The following HFM1 variants were observed in gnomAD, a reference collection of about 807,000 sequenced individuals.
HFM1 encodes the protein helicase for meiosis 1, also known as probable ATP-dependent DNA helicase HFM1.
In HFM1, 169 loss-of-function variants were observed where a neutral mutation model predicts 192.1. The ratio of observed to expected loss-of-function variants is 0.88; its 90% CI spans 0.78 to 1.00. The LOEUF (loss-of-function observed/expected upper bound fraction) is 1.00, where lower values mean the gene tolerates loss of function less well. HFM1 is among the 50% of genes least tolerant of loss of function. The pLI, the probability that HFM1 is intolerant of heterozygous loss-of-function variation, is 0.00. For missense variants in HFM1, 1,661 were observed against 1,668.0 expected (o/e 1.00, Z 0.07); for synonymous variants, 525 against 537.8 (o/e 0.98, Z 0.33).
intron 30 of HFM1, among the ~76,000 whole-genome samples, chr1:91,287,424 A>G (rs975734857): frequency 4.6e-5 from 7 of 152,146 alleles, no homozygotes; most frequent in South Asian, 4.2e-4. Context: ...ACGTCCGGGT[A>G]CTCCAACAGA....
rs185262147 is a variant in HFM1 at position 91,335,748 on chromosome 1, T to C, written c.2335+7682A>G. ...AGCATGGAGGACATGAGAATGTACCTTTCAGACCTCCTACTGCAAGACGTG... is the reference window on the plus strand; with the variant it reads ...AGCATGGAGGACATGAGAATGTACCCTTCAGACCTCCTACTGCAAGACGTG... On this transcript the variant is annotated intron_variant, in intron 20 of 38. Coordinates refer to ENST00000370425, the MANE Select transcript of HFM1 (RefSeq NM_001017975.6). 3.9e-3 allele frequency among the ~76,000 whole-genome samples: 595 copies of C among 152,226 alleles called. 1 individual carries two copies. Among genetic ancestry groups the C allele is most frequent in the African/African-American group, 0.014 (567 of 41,524 alleles).
At chr1:91,363,519 A>G (rs1293514735) in intron 13 of HFM1, among the ~76,000 whole-genome samples, 3 of 143,708 alleles carry the variant, frequency 2.1e-5, no homozygotes, top group Non-Finnish European at 4.7e-5. Context: ...CAATTACTAA[A>G]AAGTCAAAAA....
At chr1:91,300,363 G>T (rs902543371) in intron 30 of HFM1, among the ~76,000 whole-genome samples, 1 of 152,192 alleles carries the variant, frequency 6.6e-6, no homozygotes, top group African/African-American at 2.4e-5. Context: ...GTACAAGGAG[G>T]AGCTGGTACC....
At chr1:91,398,902 A>G (rs925665249) in intron 2 of HFM1, among the ~76,000 whole-genome samples, 4 of 152,144 alleles carry the variant, frequency 2.6e-5, no homozygotes, top group Admixed American at 2.6e-4. Context: ...CATGTTGGCC[A>G]GGCTAGTCTC....
intron 13 of HFM1, 110 bp from the exon 14 acceptor site, chr1:91,353,409 A>C: frequency 1.7e-6 from 1 of 576,264 alleles, no homozygotes; most frequent in Non-Finnish European, 3.0e-6. Context: ...TCACAATATC[A>C]TTATCTGAAA....
rs754261870 is a variant in HFM1 at position 91,379,185 on chromosome 1, G to A, written c.1036C>T (p.Arg346Cys). The A allele has an allele frequency of 1.3e-5, 21 of 1,608,044 alleles. No individual in the cohort carries two copies. Among genetic ancestry groups the A allele is most frequent in the African/African-American group, 8.1e-5 (6 of 74,428 alleles). ...MAPIKALCSQ[R>C]FDDWKEKFGP... The stretch of plus-strand genomic sequence containing the variant: ...AATTTTTCTTTCCAGTCATCAAAAC[G>A]CTGACTGCACAAGGCTTTTATTGGT... Residue 346 changes from arginine to cysteine, a missense_variant, in exon 9 of 39, where the codon CGT becomes TGT. By Grantham distance (180) the Arg-to-Cys change is radical. Transcript: ENST00000370425.
Position 91,353,048 on chromosome 1 carries a change from T to C in HFM1, c.1831+3A>G, listed in dbSNP as rs759298027. 6.4e-7 allele frequency: 1 copy of C among 1,554,782 alleles called. No individual in the cohort carries two copies. The highest frequency in any genetic ancestry group is 8.8e-7 in the Non-Finnish European group (1 of 1,130,456). ...GTATCCACGAGAAATATGTTTTACTTACAAAGAACTGGTAAATCTCCAACA... is the reference window on the plus strand; with the variant it reads ...GTATCCACGAGAAATATGTTTTACTCACAAAGAACTGGTAAATCTCCAACA... On this transcript the variant is annotated splice_donor_region_variant and intron_variant, in intron 15 of 38. Transcript: ENST00000370425.
rs189036587 is a variant in HFM1, at chr1:91,294,955, C to T, written c.3392-17893G>A. On this transcript the variant is annotated intron_variant, in intron 30 of 38. Transcript: ENST00000370425. ...AACTTTAATAAATACTGCTAGTTTT[C>T]GGAAGTAGTTGTATCAATCTATAAT... 2.2e-3 allele frequency among the ~76,000 whole-genome samples: 341 copies of T among 152,216 alleles called. 1 individual carries two copies. Among genetic ancestry groups the T allele is most frequent in the African/African-American group, 7.6e-3 (314 of 41,526 alleles).
chr1:91,323,635 A>T (rs1418172967), intron 21 of HFM1, among the ~76,000 whole-genome samples: 2 of 152,154 alleles, frequency 1.3e-5, no homozygotes, highest in African/African-American at 4.8e-5. Context: ...AATGTTTTAG[A>T]TATTAGGAAA....
At chr1:91,389,141 T>C (rs1025430740) in intron 4 of HFM1, among the ~76,000 whole-genome samples, 1 of 145,668 alleles carries the variant, frequency 6.9e-6, no homozygotes, top group East Asian at 2.0e-4. Flanking sequence ...GGTTTTTTTT[T>C]TTTTTTTTTT....
At chr1:91,298,118 A>G (rs1273687157) in intron 30 of HFM1, among the ~76,000 whole-genome samples, 3 of 152,222 alleles carry the variant, frequency 2.0e-5, no homozygotes, top group Non-Finnish European at 4.4e-5. Flanking sequence ...TGAAAACCAC[A>G]GCACAAGAAG....
Position 91,274,822 on chromosome 1 carries a change from CA to C in HFM1, c.3589-14del. 7.2e-7 allele frequency: 1 copy of C among 1,393,904 alleles called. No homozygotes were observed. Among genetic ancestry groups the C allele is most frequent in the Non-Finnish European group, 1.0e-6 (1 of 991,314 alleles). 86.3% of individuals were successfully genotyped at this position (1,393,904 alleles called of 1,614,324 possible). ...TATTCATCTGTATCTATTAATGAAACAAAAATAAGTTCAACTATCAGTTTCA... is the reference window on the plus strand; with the variant it reads ...TATTCATCTGTATCTATTAATGAAACAAAATAAGTTCAACTATCAGTTTCA... On this transcript the variant is annotated splice_polypyrimidine_tract_variant and intron_variant, in intron 32 of 38. Coordinates refer to ENST00000370425, the MANE Select transcript of HFM1 (RefSeq NM_001017975.6).
intron 20 of HFM1, among the ~76,000 whole-genome samples, chr1:91,339,870 A>G (rs1655097499): frequency 6.6e-6 from 1 of 152,140 alleles, no homozygotes; most frequent in Non-Finnish European, 1.5e-5. Context: ...TCCAAGATCA[A>G]TGGGAAAGAA....
chr1:91,295,441 C>A (rs1047928808), intron 30 of HFM1, among the ~76,000 whole-genome samples: 1 of 152,162 alleles, frequency 6.6e-6, no homozygotes, highest in Non-Finnish European at 1.5e-5. Flanking sequence ...TGTGTCTTCA[C>A]ATGATCTTCC....
At chr1:91,285,225 C>T (rs1418262047) in intron 30 of HFM1, among the ~76,000 whole-genome samples, 9 of 152,192 alleles carry the variant, frequency 5.9e-5, no homozygotes, top group East Asian at 1.9e-4. Context: ...AGCATGAAAA[C>T]GGACTAATAT....
chr1:91,276,829 T>A (rs1228082039), intron 31 of HFM1, 86 bp from the exon 32 acceptor site: 2 of 833,412 alleles, frequency 2.4e-6, no homozygotes, highest in African/African-American at 1.8e-5. Flanking sequence ...TCAAATCTAG[T>A]ATTTACTTTT....
chr1:91,282,387 G>A (rs950593480), intron 30 of HFM1, among the ~76,000 whole-genome samples: 1 of 151,712 alleles, frequency 6.6e-6, no homozygotes, highest in Non-Finnish European at 1.5e-5. Flanking sequence ...TTAATTTCTC[G>A]GACGTTACTA....
In HFM1 at chr1:91,262,484, A is replaced by G; in HGVS notation, c.4083T>C (p.Val1361=). 6.3e-7 allele frequency: 1 copy of G among 1,589,824 alleles called. No homozygotes were observed. The highest frequency in any genetic ancestry group is 8.6e-7 in the Non-Finnish European group (1 of 1,160,840). The change falls in exon 37 of 39, where the codon GTT becomes GTC. Residue 1361 remains valine (V), a synonymous_variant. Transcript: ENST00000370425. ...TKLPQQAGNA[V]IVHFQERKPQ... ...ACAAAGAAGTGCTTCTTCTTACAATAACTGCATTTCCGGCTTGTTGAGGTA... is the reference window on the plus strand; with the variant it reads ...ACAAAGAAGTGCTTCTTCTTACAATGACTGCATTTCCGGCTTGTTGAGGTA...
intron 25 of HFM1, among the ~76,000 whole-genome samples, chr1:91,317,913 TTCAG>T (rs1318541261): frequency 6.6e-6 from 1 of 152,190 alleles, no homozygotes; most frequent in Non-Finnish European, 1.5e-5. Flanking sequence ...CTTTTTTCTG[TTCAG>T]CTGTAATGAG....
Sources: allele counts gnomAD v4.1 joint callset (sites outside exome capture counted in the v4.1 genomes callset), GRCh38; gene constraint gnomAD v4.1.1; transcripts MANE v1.5; gene names NCBI Gene and HGNC (gene_info 2026-07-23, HGNC 2026-07-21).